The following COL28A1 variants were observed in gnomAD, a reference collection of about 807,000 sequenced individuals.
COL28A1 encodes the protein collagen alpha-1(XXVIII) chain.
Under a neutral mutation model 150.2 loss-of-function variants are expected in COL28A1, and 161 were observed. The ratio of observed to expected loss-of-function variants is 1.07; its 90% CI spans 0.94 to 1.22. COL28A1 has a LOEUF of 1.22. COL28A1 is among the 50% of genes most tolerant of loss of function. The pLI is 0.00. For missense variants in COL28A1, 1,617 were observed against 1,388.3 expected (o/e 1.16, Z -2.62); for synonymous variants, 552 against 469.7 (o/e 1.18, Z -2.26).
intron 32 of COL28A1, among the ~76,000 whole-genome samples, chr7:7,371,633 G>A (rs914026148): frequency 3.9e-5 from 6 of 152,256 alleles, no homozygotes; most frequent in African/African-American, 1.2e-4. Context: ...CCAGGTACAG[G>A]CCTGCCAGAA....
chr7:7,490,025 T>C (rs2128368881), intron 12 of COL28A1, among the ~76,000 whole-genome samples: 1 of 152,346 alleles, frequency 6.6e-6, no homozygotes, highest in East Asian at 1.9e-4. Context: ...TAATCCTGCA[T>C]CAAAGTCTTA....
intron 27 of COL28A1, among the ~76,000 whole-genome samples, chr7:7,397,047 G>C (rs564411223): frequency 1.3e-5 from 2 of 152,240 alleles, no homozygotes; most frequent in African/African-American, 4.8e-5. Context: ...ATGGCTATCT[G>C]TTTTCTATTG....
chr7:7,503,941 T>A (rs1354582986), intron 11 of COL28A1, among the ~76,000 whole-genome samples: 1 of 152,188 alleles, frequency 6.6e-6, no homozygotes, highest in Non-Finnish European at 1.5e-5. Flanking sequence ...GCTTAAAACT[T>A]AAGTGGCAAT....
the COL28A1 span, among the ~76,000 whole-genome samples, chr7:7,543,803 C>T: frequency 1.1e-4 from 17 of 150,606 alleles, no homozygotes; most frequent in Non-Finnish European, 2.2e-4. Flanking sequence ...ATAATATCTG[C>T]GGTTAACAAC....
intron 25 of COL28A1, among the ~76,000 whole-genome samples, chr7:7,423,774 C>G (rs1423993824): frequency 6.6e-6 from 1 of 152,094 alleles, no homozygotes; most frequent in Non-Finnish European, 1.5e-5. Context: ...CCATAGTTTA[C>G]CTCAGGCCAG....
chr7:7,494,947 A>G (rs1293597889), intron 11 of COL28A1, among the ~76,000 whole-genome samples: 1 of 152,148 alleles, frequency 6.6e-6, no homozygotes, highest in African/African-American at 2.4e-5. Context: ...AAGAAGAAAG[A>G]GCATGAGGCT....
chr7:7,523,571 A>G (rs1429709873), intron 4 of COL28A1, among the ~76,000 whole-genome samples: 1 of 152,170 alleles, frequency 6.6e-6, no homozygotes, highest in Non-Finnish European at 1.5e-5. Flanking sequence ...TTTATGCAAC[A>G]ATACTTGTAA....
Position 7,531,433 on chromosome 7 carries a change from AG to A in COL28A1, c.595del (p.Leu199PhefsTer3). On this transcript the variant is annotated frameshift_variant, in exon 3 of 35. Coordinates refer to ENST00000399429, the MANE Select transcript of COL28A1 (RefSeq NM_001037763.3). LOFTEE classifies it high-confidence loss of function. ...ALSTVVNEAK[L>X]RLISGDSSSE... ...GGATGAATCCCCAGAAATCAAACGA[AG>A]TTTGGCTTCATTGACTACCGTAGAA... is the stretch of plus-strand genomic sequence containing the variant. 6.3e-7 allele frequency: 1 copy of A among 1,599,008 alleles called. No individual in the cohort carries two copies. Among genetic ancestry groups the A allele is most frequent in the East Asian group, 2.2e-5 (1 of 44,808 alleles).
intron 3 of COL28A1, among the ~76,000 whole-genome samples, chr7:7,530,865 C>A (rs1432886561): frequency 6.6e-6 from 1 of 151,970 alleles, no homozygotes; most frequent in Non-Finnish European, 1.5e-5. Context: ...CATAATGTAA[C>A]AATAGGTGAG....
At chr7:7,523,804 A>G (rs1160058421) in intron 4 of COL28A1, among the ~76,000 whole-genome samples, 1 of 152,150 alleles carries the variant, frequency 6.6e-6, no homozygotes, top group African/African-American at 2.4e-5. Flanking sequence ...CTCAAAGTCA[A>G]TTGGCAGGCA....
chr7:7,413,286 G>A (rs1300378990), intron 27 of COL28A1, among the ~76,000 whole-genome samples: 3 of 152,140 alleles, frequency 2.0e-5, no homozygotes, highest in Non-Finnish European at 4.4e-5. Flanking sequence ...CCAGGAAGTT[G>A]CCATGTAGAC....
intron 18 of COL28A1, among the ~76,000 whole-genome samples, chr7:7,445,960 G>A (rs1352999107): frequency 6.6e-6 from 1 of 151,606 alleles, no homozygotes; most frequent in East Asian, 1.9e-4. Context: ...CCGGGTTCAA[G>A]TGATTCTCCT....
intron 13 of COL28A1, among the ~76,000 whole-genome samples, chr7:7,485,398 TC>T (rs1176349517): frequency 1.3e-5 from 2 of 152,150 alleles, no homozygotes; most frequent in Non-Finnish European, 2.9e-5. Context: ...GAATATTTTC[TC>T]CCAATCAGCA....
chr7:7,371,296 A>C (rs555326324), intron 32 of COL28A1, among the ~76,000 whole-genome samples: 1 of 152,368 alleles, frequency 6.6e-6, no homozygotes, highest in African/African-American at 2.4e-5. Context: ...GGATTAAAAT[A>C]TAAGTTGGCT....
At chr7:7,376,786 C>T (rs910523719) in intron 30 of COL28A1, among the ~76,000 whole-genome samples, 8 of 151,934 alleles carry the variant, frequency 5.3e-5, no homozygotes, top group Non-Finnish European at 1.0e-4. Context: ...ATTCATTTTC[C>T]ACATTATTAA....
rs780245300 is a variant in COL28A1 at position 7,373,289 on chromosome 7, C to A, written c.2617G>T (p.Glu873Ter). 10 of 1,614,020 alleles carry A rather than the reference C, an allele frequency of 6.2e-6. No homozygotes were observed. The highest frequency in any genetic ancestry group is 1.7e-5 in the Admixed American group (1 of 59,994). Residue 873 changes from glutamate to a stop codon, truncating the protein, a stop_gained, in exon 32 of 35, where the codon GAA becomes TAA. Coordinates refer to ENST00000399429, the MANE Select transcript of COL28A1 (RefSeq NM_001037763.3). LOFTEE classifies it high-confidence loss of function. This position sits in a 1 kb window ranked among gnomAD's most constrained non-coding sequence, Gnocchi z 4.1. ...AGAGCAGTGGCTGTGTATGTGCCTT[C>A]CCCCAGATACTGCATGTTGTCCACA... ...LAVDNMQYLGEGTYTATALQA... is the reference protein window; with the variant it reads ...LAVDNMQYLG
chr7:7,440,677 T>C, intron 21 of COL28A1, 113 bp downstream of exon 21: 1 of 565,222 alleles, frequency 1.8e-6, no homozygotes, highest in Non-Finnish European at 3.3e-6. Context: ...ATTTGTTTTG[T>C]ACTTGTTGGG....
rs545528239 is a variant in COL28A1, at chr7:7,393,596, G to A, written c.2137-11984C>T. Among the ~76,000 whole-genome samples, 4 of 117,816 alleles carry A rather than the reference G, an allele frequency of 3.4e-5. No individual in the cohort carries two copies. The South Asian group carries it at 1.0e-3, about 30-fold the overall frequency. 77.3% of individuals were successfully genotyped at this position (117,816 alleles called of 152,430 possible). ...GGTGCTCTGTCCGAGGGAGACGGGG[G>A]TTTTATCTATAAGCCCCTTGCTGGG... On this transcript the variant is annotated intron_variant, in intron 27 of 34. Transcript: ENST00000399429.
intron 25 of COL28A1, among the ~76,000 whole-genome samples, chr7:7,427,258 G>A (rs1244041673): frequency 6.6e-6 from 1 of 152,094 alleles, no homozygotes; most frequent in African/African-American, 2.4e-5. Flanking sequence ...TGAAACCTCT[G>A]GGTCAAACTG....
Sources: allele counts gnomAD v4.1 joint callset (sites outside exome capture counted in the v4.1 genomes callset), GRCh38; gene constraint gnomAD v4.1.1; non-coding constraint Gnocchi (gnomAD v3.1); transcripts MANE v1.5; gene names NCBI Gene and HGNC (gene_info 2026-07-23, HGNC 2026-07-21).